CPNE4: variants seen among roughly 807,000 people sequenced by gnomAD.
CPNE4 encodes the protein copine-4.
A neutral mutation model predicts 67.9 loss-of-function variants in CPNE4; 25 were observed. That is an observed-to-expected ratio of 0.37 (90% CI 0.27 to 0.51). The LOEUF is 0.51. Among genes scored for constraint, CPNE4 ranks in the 20% least tolerant of loss-of-function variants. The pLI is 0.93. For missense variants in CPNE4, 464 were observed against 690.8 expected, an observed-to-expected ratio of 0.67 and a Z score of 3.68; for synonymous variants, 242 against 244.9, an observed-to-expected ratio of 0.99 and a Z score of 0.11.
At chr3:131,965,763 C>T (rs2072324828) in intron 1 of CPNE4, among the ~76,000 whole-genome samples, 1 of 152,064 alleles carries the variant, frequency 6.6e-6, no homozygotes, top group South Asian at 2.1e-4. Context: ...TAGACTCCCA[C>T]AAAATAGTAG....
At chr3:132,014,607 C>T (rs1382128621) in intron 1 of CPNE4, among the ~76,000 whole-genome samples, 1 of 152,090 alleles carries the variant, frequency 6.6e-6, no homozygotes, top group Non-Finnish European at 1.5e-5. Flanking sequence ...ATTTTAATCT[C>T]TCTCTTTGTT....
At chr3:131,832,369 C>T (rs565094127) in intron 2 of CPNE4, among the ~76,000 whole-genome samples, 5 of 152,260 alleles carry the variant, frequency 3.3e-5, no homozygotes, top group African/African-American at 1.2e-4. Context: ...CAGAGATCAT[C>T]TACCTCATGG....
At chr3:131,957,231 A>G (rs2072004886) in intron 1 of CPNE4, among the ~76,000 whole-genome samples, 1 of 152,252 alleles carries the variant, frequency 6.6e-6, no homozygotes, top group South Asian at 2.1e-4. Context: ...CTGCAAAAAT[A>G]ACAGTCCTTA....
rs2082904385 is a variant in CPNE4, at chr3:131,762,161, CACTT to C, written c.181-38540_181-38537del. 2.0e-5 allele frequency among the ~76,000 whole-genome samples: 3 copies of C among 151,994 alleles called. No homozygotes were observed. In the East Asian group the frequency reaches 5.8e-4, roughly 29 times the overall value. ...TCCTCATTCTCTCTGTGGTTAAGTT[CACTT>C]ATCCTAAGTAAGGAAGCCTTAGTTG... On this transcript the variant is annotated intron_variant, in intron 2 of 15. Coordinates refer to ENST00000429747, the MANE Select transcript of CPNE4 (RefSeq NM_130808.3).
intron 2 of CPNE4, among the ~76,000 whole-genome samples, chr3:131,839,620 T>C (rs2085695975): frequency 6.6e-6 from 1 of 152,106 alleles, no homozygotes; most frequent in Non-Finnish European, 1.5e-5. Flanking sequence ...ACAATATTGA[T>C]AGTGATTATT....
At chr3:131,944,610 A>G (rs1392684871) in intron 1 of CPNE4, among the ~76,000 whole-genome samples, 3 of 152,068 alleles carry the variant, frequency 2.0e-5, no homozygotes, top group African/African-American at 7.2e-5. Flanking sequence ...CTCTCCCTAC[A>G]GATGACTGCA....
intron 4 of CPNE4, among the ~76,000 whole-genome samples, chr3:131,699,375 T>C (rs1194116595): frequency 6.6e-6 from 1 of 152,218 alleles, no homozygotes; most frequent in Non-Finnish European, 1.5e-5. Flanking sequence ...AAAATTTAAA[T>C]AATCACATGT....
At position 131,659,453 on chromosome 3, in the gene CPNE4, A is replaced by T. The variant is rs150561682; in HGVS notation, c.681+10222T>A. Among the ~76,000 whole-genome samples the T allele has an allele frequency of 4.8e-4, 73 of 152,310 alleles. No individual in the cohort carries two copies. The East Asian group carries it at 0.013, about 27-fold the overall frequency. Reference sequence around the variant, plus strand: ...CAGCAATTGCAACTTATTTAGATGGACATTCTCTCTAGTAGGGAAATGTCC... The same window carrying T: ...CAGCAATTGCAACTTATTTAGATGGTCATTCTCTCTAGTAGGGAAATGTCC... On this transcript the variant is annotated intron_variant, in intron 7 of 15. Coordinates refer to ENST00000429747, the MANE Select transcript of CPNE4 (RefSeq NM_130808.3).
chr3:131,844,165 C>T (rs1583309969), intron 2 of CPNE4, among the ~76,000 whole-genome samples: 1 of 152,082 alleles, frequency 6.6e-6, no homozygotes, highest in East Asian at 1.9e-4. Flanking sequence ...ACACAAATGT[C>T]TGCTCACTCT....
chr3:132,009,725 G>A (rs1176488687), intron 1 of CPNE4, among the ~76,000 whole-genome samples: 4 of 152,172 alleles, frequency 2.6e-5, no homozygotes, highest in Admixed American at 6.5e-5. Context: ...TTAGTGGCAG[G>A]TAAACATTTA....
At chr3:131,575,018 T>A in intron 10 of CPNE4, 53 bp downstream of exon 10, 1 of 1,489,698 alleles carries the variant, frequency 6.7e-7, no homozygotes. Context: ...GTGCCACCCC[T>A]CATCTCTTGA....
At chr3:131,865,200 T>A (rs1046822845) in intron 2 of CPNE4, among the ~76,000 whole-genome samples, 6 of 152,182 alleles carry the variant, frequency 3.9e-5, no homozygotes, top group African/African-American at 1.4e-4. Context: ...GGCTTTGGTA[T>A]CAGGATAATG....
intron 2 of CPNE4, among the ~76,000 whole-genome samples, chr3:131,888,767 T>C (rs996856081): frequency 3.3e-5 from 5 of 151,830 alleles, no homozygotes; most frequent in African/African-American, 1.2e-4. Flanking sequence ...ATGCAGAGAG[T>C]GGAGGGGATA....
chr3:131,660,870 G>A (rs2080106142), intron 7 of CPNE4, among the ~76,000 whole-genome samples: 2 of 152,122 alleles, frequency 1.3e-5, no homozygotes, highest in Non-Finnish European at 1.5e-5. Flanking sequence ...TCTACCCATT[G>A]GAATATAGGC....
intron 1 of CPNE4, among the ~76,000 whole-genome samples, chr3:131,977,931 G>C (rs1474874612): frequency 2.0e-5 from 3 of 149,850 alleles, no homozygotes; most frequent in African/African-American, 7.4e-5. Flanking sequence ...AACATACGAT[G>C]TTTGGTTTTC....
chr3:131,606,144 A>G (rs961207039), intron 7 of CPNE4, among the ~76,000 whole-genome samples: 2 of 152,178 alleles, frequency 1.3e-5, no homozygotes, highest in African/African-American at 4.8e-5. Flanking sequence ...TTCCATTTGT[A>G]TAGCTTAATC....
intron 5 of CPNE4, 98 bp from the exon 6 acceptor site, chr3:131,686,056 T>G (rs2080881066): frequency 2.9e-6 from 2 of 687,342 alleles, no homozygotes; most frequent in Non-Finnish European, 5.0e-6. Flanking sequence ...CCCTCTTGAT[T>G]TCCTATTTTT....
At chr3:131,639,528 A>G (rs2107792057) in intron 7 of CPNE4, among the ~76,000 whole-genome samples, 1 of 152,170 alleles carries the variant, frequency 6.6e-6, no homozygotes, top group East Asian at 1.9e-4. Flanking sequence ...AAAATTGTCA[A>G]CAAAGAAGTC....
intron 7 of CPNE4, 68 bp downstream of exon 7, chr3:131,669,607 T>C (rs924976817): frequency 4.8e-5 from 64 of 1,322,838 alleles, no homozygotes; most frequent in Non-Finnish European, 6.1e-5. Flanking sequence ...CAATATTATT[T>C]TGAAAAGAAA....
Sources: allele counts gnomAD v4.1 joint callset (sites outside exome capture counted in the v4.1 genomes callset), GRCh38; gene constraint gnomAD v4.1.1; transcripts MANE v1.5; gene names NCBI Gene and HGNC (gene_info 2026-07-23, HGNC 2026-07-21).